RALYL: variants seen among roughly 807,000 people sequenced by gnomAD.
The protein encoded by RALYL is RALY RNA binding protein like, also known as RNA-binding Raly-like protein.
RALYL carries 29 observed loss-of-function variants against 35.1 expected under a neutral mutation model. That is an observed-to-expected ratio of 0.83 (90% CI 0.61 to 1.13). RALYL has a LOEUF of 1.13. Among genes scored for constraint, RALYL ranks in the 50% most tolerant of loss-of-function variants. The pLI is 0.00. For synonymous variants in RALYL, 120 were observed against 127.6 expected (o/e 0.94, Z 0.40); for missense variants, 359 against 360.4 (o/e 1.00, Z 0.03).
chr8:84,407,438 C>T (rs2043654717), intron 1 of RALYL, among the ~76,000 whole-genome samples: 1 of 152,018 alleles, frequency 6.6e-6, no homozygotes, highest in South Asian at 2.1e-4. Flanking sequence ...AAGGAATCCC[C>T]ATGTGTCTAT....
intron 4 of RALYL, among the ~76,000 whole-genome samples, chr8:84,842,497 G>C (rs1364822413): frequency 6.6e-6 from 1 of 152,120 alleles, no homozygotes; most frequent in Non-Finnish European, 1.5e-5. Context: ...ACCAAAAAAA[G>C]TCCAGGACCA....
chr8:84,632,948 T>TTTCC (rs1268548084), intron 2 of RALYL, among the ~76,000 whole-genome samples: 1 of 151,882 alleles, frequency 6.6e-6, no homozygotes, highest in Non-Finnish European at 1.5e-5. Context: ...GTGTATCATG[T>TTTCC]TTCCATTCAG....
chr8:84,292,562 C>T (rs1183793177), intron 1 of RALYL, among the ~76,000 whole-genome samples: 2 of 152,086 alleles, frequency 1.3e-5, no homozygotes, highest in Non-Finnish European at 2.9e-5. Context: ...ACACAAAATA[C>T]AGGTCATAAA....
chr8:84,726,767 G>A (rs77919338), intron 2 of RALYL, among the ~76,000 whole-genome samples: 168 of 152,064 alleles, frequency 1.1e-3, no homozygotes, highest in African/African-American at 4.0e-3. Context: ...TTTAAATGAA[G>A]AGAGCATTAA....
intron 1 of RALYL, among the ~76,000 whole-genome samples, chr8:84,295,903 C>A (rs1347576269): frequency 6.6e-6 from 1 of 152,050 alleles, no homozygotes; most frequent in African/African-American, 2.4e-5. Context: ...AACTTGTTTG[C>A]TTTTGCTGAC....
rs868822847 is a variant in RALYL, at chr8:84,695,474, G to T, written c.257-79105G>T. Among the ~76,000 whole-genome samples, 43 of 151,764 alleles carry T rather than the reference G, an allele frequency of 2.8e-4. 1 individual carries two copies. The Middle Eastern group carries it at 0.027, about 96-fold the overall frequency. ...CATTATTTCAAGTGTCAGGGTACTG[G>T]TTACATTCATTCTCTTTGATATAAA... On this transcript the variant is annotated intron_variant, in intron 2 of 8. Transcript: ENST00000521268.
intron 1 of RALYL, among the ~76,000 whole-genome samples, chr8:84,452,843 G>T (rs1447487915): frequency 1.3e-5 from 2 of 151,876 alleles, no homozygotes; most frequent in Admixed American, 6.6e-5. Flanking sequence ...CTTTATTTTT[G>T]AATTTGTGTA....
chr8:84,677,874 A>G (rs944882282), intron 2 of RALYL, among the ~76,000 whole-genome samples: 1 of 152,134 alleles, frequency 6.6e-6, no homozygotes, highest in Non-Finnish European at 1.5e-5. Flanking sequence ...TACTCACCTC[A>G]GATAGCATTT....
At chr8:84,906,013 GAAGTA>G (rs981513980) in intron 8 of RALYL, among the ~76,000 whole-genome samples, 5 of 152,026 alleles carry the variant, frequency 3.3e-5, no homozygotes, top group Non-Finnish European at 7.4e-5. Context: ...GCAATTCATT[GAAGTA>G]AAGTGTTAAA....
chr8:84,545,423 T>G (rs1380495966), intron 2 of RALYL, among the ~76,000 whole-genome samples: 1 of 152,160 alleles, frequency 6.6e-6, no homozygotes, highest in Non-Finnish European at 1.5e-5. Context: ...TTCTTTCAAA[T>G]AAAATTTTTA....
intron 1 of RALYL, among the ~76,000 whole-genome samples, chr8:84,508,452 A>T (rs2057351722): frequency 6.6e-6 from 1 of 152,124 alleles, no homozygotes. Context: ...CCAACAATAC[A>T]AGTTCCATCT....
intron 7 of RALYL, among the ~76,000 whole-genome samples, chr8:84,883,750 AGATAATCTTTATAATGCCT>A: frequency 6.6e-6 from 1 of 152,194 alleles, no homozygotes; most frequent in East Asian, 1.9e-4. Flanking sequence ...CCAAAACCCA[AGATAATCTTTATAATGCCT>A]GATTCTTAAT....
chr8:84,629,707 G>A (rs999336184), intron 2 of RALYL, among the ~76,000 whole-genome samples: 3 of 151,942 alleles, frequency 2.0e-5, no homozygotes, highest in East Asian at 1.9e-4. Context: ...TATACACACA[G>A]TATTTCATAG....
chr8:84,250,920 G>A (rs1830069817), intron 1 of RALYL, among the ~76,000 whole-genome samples: 2 of 152,076 alleles, frequency 1.3e-5, no homozygotes, highest in African/African-American at 4.8e-5. Flanking sequence ...TATCTCCTGG[G>A]TTGATCTTCT....
intron 2 of RALYL, among the ~76,000 whole-genome samples, chr8:84,641,814 A>G (rs563995613): frequency 7.7e-4 from 116 of 150,118 alleles, no homozygotes; most frequent in Middle Eastern, 3.4e-3. Flanking sequence ...AAAAACTCAT[A>G]TACACAAAGA....
chr8:84,415,379 A>C (rs2132258032), intron 1 of RALYL, among the ~76,000 whole-genome samples: 1 of 151,910 alleles, frequency 6.6e-6, no homozygotes, highest in East Asian at 1.9e-4. Context: ...AGCTGGGATT[A>C]CAGGCGCCTG....
Position 84,554,698 on chromosome 8 carries a change from C to A in RALYL, c.256+25121C>A, listed in dbSNP as rs533393050. On this transcript the variant is annotated intron_variant, in intron 2 of 8. Coordinates refer to ENST00000521268, the MANE Select transcript of RALYL (RefSeq NM_173848.7). ...ACACATCCTATTTCCATATCACAAACCAAATACCAATCATTCGAATTCCCA... is the reference window on the plus strand; with the variant it reads ...ACACATCCTATTTCCATATCACAAAACAAATACCAATCATTCGAATTCCCA... Among the ~76,000 whole-genome samples the A allele has an allele frequency of 3.3e-5, 5 of 152,312 alleles. No homozygotes were observed. The South Asian group carries it at 1.0e-3, about 32-fold the overall frequency.
At chr8:84,340,408 A>G (rs1235602065) in intron 1 of RALYL, among the ~76,000 whole-genome samples, 2 of 152,216 alleles carry the variant, frequency 1.3e-5, no homozygotes, top group South Asian at 2.1e-4. Flanking sequence ...CATAACTGAA[A>G]CACCATATCC....
chr8:84,913,046 A>G, intron 8 of RALYL, among the ~76,000 whole-genome samples: 1 of 148,954 alleles, frequency 6.7e-6, no homozygotes, highest in African/African-American at 2.5e-5. Context: ...GTAGGTAGAT[A>G]GATAGATAGA....
Sources: allele counts gnomAD v4.1 joint callset (sites outside exome capture counted in the v4.1 genomes callset), GRCh38; gene constraint gnomAD v4.1.1; transcripts MANE v1.5; gene names NCBI Gene and HGNC (gene_info 2026-07-23, HGNC 2026-07-21).